The following TMEM266 variants were observed in gnomAD, a reference collection of about 807,000 sequenced individuals.
The protein encoded by TMEM266 is Hv1 related protein 1.
Under a neutral mutation model 50.5 loss-of-function variants are expected in TMEM266, and 33 were observed. The ratio of observed to expected loss-of-function variants is 0.65; its 90% CI spans 0.50 to 0.87. The LOEUF (loss-of-function observed/expected upper bound fraction) is 0.87, where lower values mean the gene tolerates loss of function less well. Ranked by LOEUF, TMEM266 falls within the 40% of genes least tolerant of loss-of-function variation. The pLI is 0.00. For missense variants in TMEM266, 655 were observed against 695.1 expected (o/e 0.94, Z 0.65); for synonymous variants, 310 against 292.3 (o/e 1.06, Z -0.62).
rs906759848 is a variant in TMEM266 at position 76,139,066 on chromosome 15, C to A, written c.227+1171C>A. ...AGGAGCCAGTTCTGGACTTTTCTTTCCTGGGTGCCAGTAAACACTTTGGAA... is the reference window on the plus strand; with the variant it reads ...AGGAGCCAGTTCTGGACTTTTCTTTACTGGGTGCCAGTAAACACTTTGGAA... On this transcript the variant is annotated intron_variant, in intron 3 of 10. Transcript: ENST00000388942. This position sits in a 1 kb window ranked among gnomAD's most constrained non-coding sequence, Gnocchi z 4.1. 2.0e-5 allele frequency among the ~76,000 whole-genome samples: 3 copies of A among 152,148 alleles called. No individual in the cohort carries two copies. The highest frequency in any genetic ancestry group is 4.4e-5 in the Non-Finnish European group (3 of 68,028).
At chr15:76,110,254 C>T (rs756605782) in intron 1 of TMEM266, among the ~76,000 whole-genome samples, 55 of 152,038 alleles carry the variant, frequency 3.6e-4, no homozygotes, top group African/African-American at 1.3e-3. Flanking sequence ...CCACCTGCCT[C>T]AGCCTCCCAA....
intron 1 of TMEM266, among the ~76,000 whole-genome samples, chr15:76,132,813 A>ATTATT (rs2037531056): frequency 3.0e-5 from 4 of 135,022 alleles, no homozygotes; most frequent in South Asian, 2.5e-4. Context: ...TAATAATAGT[A>ATTATT]ATTATTATTA....
intron 1 of TMEM266, among the ~76,000 whole-genome samples, chr15:76,073,297 A>G (rs2036563524): frequency 6.8e-6 from 1 of 147,110 alleles, no homozygotes; most frequent in South Asian, 2.1e-4. Flanking sequence ...CAGTGGTGCG[A>G]TCTCGGCTCA....
intron 2 of TMEM266, among the ~76,000 whole-genome samples, chr15:76,134,941 G>A (rs1454116135): frequency 6.6e-6 from 1 of 152,212 alleles, no homozygotes; most frequent in African/African-American, 2.4e-5. Flanking sequence ...CTGGCTGTCA[G>A]CTGATCTAGA....
Position 76,204,282 on chromosome 15 carries a change from A to C in TMEM266, c.1563A>C (p.Lys521Asn). ...ACAAGTTCAGATCTTTGGAATCCAA[A>C]GAGCAAAAGCTGCACAGGGTCCCTG... The change falls in exon 11 of 11, where the codon AAA (lysine) becomes AAC (asparagine). Residue 521 changes from lysine (K) to asparagine (N), a missense_variant. Lys to Asn is a moderately conservative substitution (Grantham distance 94). Coordinates refer to ENST00000388942, the MANE Select transcript of TMEM266 (RefSeq NM_152335.3). 2 of 1,612,472 alleles carry C rather than the reference A, an allele frequency of 1.2e-6. No individual in the cohort carries two copies. Among genetic ancestry groups the C allele is most frequent in the Non-Finnish European group, 1.7e-6 (2 of 1,178,842 alleles).
At chr15:76,104,595 G>A (rs941389259) in intron 1 of TMEM266, among the ~76,000 whole-genome samples, 2 of 152,180 alleles carry the variant, frequency 1.3e-5, no homozygotes, top group Non-Finnish European at 2.9e-5. Flanking sequence ...GAGGCGGGCG[G>A]ATCATGAGGT....
intron 1 of TMEM266, among the ~76,000 whole-genome samples, chr15:76,082,970 AAACAACAAC>A (rs35634458): frequency 5.3e-5 from 8 of 150,082 alleles, no homozygotes; most frequent in African/African-American, 1.2e-4. Context: ...CTCTGTCTAA[AAACAACAAC>A]AACAACAACA....
At chr15:76,130,414 G>A (rs192408704) in intron 1 of TMEM266, among the ~76,000 whole-genome samples, 7 of 152,052 alleles carry the variant, frequency 4.6e-5, no homozygotes, top group Non-Finnish European at 1.0e-4. Flanking sequence ...GGCGGCACAC[G>A]CCTGTAATCC....
intron 3 of TMEM266, among the ~76,000 whole-genome samples, chr15:76,150,171 G>T (rs2037816416): frequency 6.6e-6 from 1 of 152,208 alleles, no homozygotes; most frequent in South Asian, 2.1e-4. Context: ...CAGTGCTGTA[G>T]TTTTGTGCAT....
intron 1 of TMEM266, among the ~76,000 whole-genome samples, chr15:76,062,482 G>GA (rs2141978242): frequency 6.6e-6 from 1 of 152,314 alleles, no homozygotes; most frequent in South Asian, 2.1e-4. Flanking sequence ...CAGAAATGCT[G>GA]AGACAGGATC....
intron 7 of TMEM266, chr15:76,175,344 G>A: frequency 1.9e-6 from 1 of 521,266 alleles, no homozygotes; most frequent in South Asian, 2.0e-5. Context: ...TAGCACTATG[G>A]AAAACAGGAA....
intron 1 of TMEM266, among the ~76,000 whole-genome samples, chr15:76,070,366 A>G (rs2036520596): frequency 6.6e-6 from 1 of 152,222 alleles, no homozygotes; most frequent in African/African-American, 2.4e-5. Flanking sequence ...TATTCATCAC[A>G]ACTGTATCAC....
At position 76,153,292 on chromosome 15, in the gene TMEM266, C is replaced by G. The variant is rs2037871868; in HGVS notation, c.228-3312C>G. On this transcript the variant is annotated intron_variant, in intron 3 of 10. Coordinates refer to ENST00000388942, the MANE Select transcript of TMEM266 (RefSeq NM_152335.3). The surrounding 1 kb of genome is among the most constrained non-coding windows in gnomAD (Gnocchi z 4.2). ...CAATGCTTCGTTTCATTCCCTACTC[C>G]CTTCAGGACCCTCCTCTGGGGTAGA... is the stretch of plus-strand genomic sequence containing the variant. 6.6e-6 allele frequency among the ~76,000 whole-genome samples: 1 copy of G among 152,196 alleles called. No individual in the cohort carries two copies. The highest frequency in any genetic ancestry group is 2.4e-5 in the African/African-American group (1 of 41,436).
At chr15:76,068,116 A>G (rs2036468072) in intron 1 of TMEM266, among the ~76,000 whole-genome samples, 1 of 152,212 alleles carries the variant, frequency 6.6e-6, no homozygotes, top group Non-Finnish European at 1.5e-5. Flanking sequence ...GACAGTCATC[A>G]TTATGTTCTT....
chr15:76,065,482 G>C (rs896445282), intron 1 of TMEM266, among the ~76,000 whole-genome samples: 3 of 151,126 alleles, frequency 2.0e-5, no homozygotes, highest in African/African-American at 7.4e-5. Context: ...CGGTGTCCGT[G>C]TCTATCTGGT....
intron 3 of TMEM266, among the ~76,000 whole-genome samples, chr15:76,151,287 C>T (rs141429600): frequency 6.6e-6 from 1 of 152,256 alleles, no homozygotes; most frequent in African/African-American, 2.4e-5. Flanking sequence ...TACTGAACCA[C>T]TCAGGAATCT....
chr15:76,113,845 C>T (rs1202562010), intron 1 of TMEM266: 1 of 151,532 alleles, frequency 6.6e-6, no homozygotes, highest in Non-Finnish European at 1.5e-5. Flanking sequence ...GGAGGCGGAA[C>T]GTGCAGTGAG....
intron 1 of TMEM266, among the ~76,000 whole-genome samples, chr15:76,110,611 A>G (rs1031549175): frequency 3.3e-5 from 5 of 152,204 alleles, no homozygotes; most frequent in African/African-American, 1.2e-4. Context: ...GTTGCCCAGT[A>G]GGTGCTGGAG....
At chr15:76,104,926 A>T (rs2037058383) in intron 1 of TMEM266, among the ~76,000 whole-genome samples, 3 of 149,468 alleles carry the variant, frequency 2.0e-5, no homozygotes, top group African/African-American at 7.4e-5. Context: ...ATCTTTTCTT[A>T]TTGAAAGTTT....
Sources: gnomAD v4.1 joint callset for allele counts (sites outside exome capture counted in the v4.1 genomes callset) on GRCh38, gnomAD v4.1.1 for gene constraint, Gnocchi (gnomAD v3.1) non-coding constraint, MANE v1.5 for transcripts, NCBI Gene and HGNC (gene_info 2026-07-23, HGNC 2026-07-21) for gene names.